The following MLIP variants were observed in gnomAD, a reference collection of about 807,000 sequenced individuals.
The protein encoded by MLIP is muscular LMNA-interacting protein.
In MLIP, 79 loss-of-function variants were observed where a neutral mutation model predicts 84.8. The ratio of observed to expected loss-of-function variants is 0.93; its 90% confidence interval spans 0.78 to 1.12. The LOEUF is 1.12. Among genes scored for constraint, MLIP ranks in the 50% most tolerant of loss-of-function variants. MLIP has a pLI of 0.00. For synonymous variants in MLIP, 504 were observed against 463.0 expected, an observed-to-expected ratio of 1.09 and a Z score of -1.14; for missense variants, 1,257 against 1,160.6, an observed-to-expected ratio of 1.08 and a Z score of -1.21.
chr6:54,164,326 A>G (rs899850990), intron 8 of MLIP, among the ~76,000 whole-genome samples: 4 of 151,700 alleles, frequency 2.6e-5, no homozygotes, highest in East Asian at 1.9e-4. Flanking sequence ...ATATTTTTCT[A>G]TTTATTATTT....
intron 13 of MLIP, among the ~76,000 whole-genome samples, chr6:54,258,769 A>G (rs908762039): frequency 2.6e-5 from 4 of 152,018 alleles, no homozygotes; most frequent in African/African-American, 7.2e-5. Context: ...TTTAGAGATG[A>G]GGAAACTAAA....
In MLIP at chr6:54,124,835, T is replaced by C. The variant is rs1248305329; in HGVS notation, c.615T>C (p.His205=). 6.2e-7 allele frequency: 1 copy of C among 1,605,036 alleles called. No individual in the cohort carries two copies. Among genetic ancestry groups the C allele is most frequent in the African/African-American group, 1.3e-5 (1 of 74,548 alleles). The change falls in exon 3 of 14, where the codon CAT becomes CAC. Residue 205 remains histidine, a synonymous_variant. Transcript: ENST00000502396. The part of the protein sequence containing the change: ...LKTSSHPEML[H]GMAPQQKHGQ... ...CCTCATCACATCCTGAAATGCTTCA[T>C]GGGATGGCCCCTCAGCAAAAGCATG... is the stretch of plus-strand genomic sequence containing the variant.
At chr6:54,148,774 T>C (rs1199123680) in intron 4 of MLIP, among the ~76,000 whole-genome samples, 1 of 152,180 alleles carries the variant, frequency 6.6e-6, no homozygotes, top group African/African-American at 2.4e-5. Flanking sequence ...AAAATTTATA[T>C]ATAACTTTGT....
chr6:54,190,039 A>G (rs9296739), intron 10 of MLIP, 125 bp downstream of exon 10: 417,760 of 676,212 alleles, frequency 0.62, 133,064 homozygotes, highest in South Asian at 0.68. Context: ...TTGTCTAATA[A>G]CATTTTACTG....
intron 1 of MLIP, chr6:54,028,869 C>A (rs908900668): frequency 6.6e-6 from 1 of 152,220 alleles, no homozygotes; most frequent in Admixed American, 6.5e-5. Context: ...TTTGCAAAGT[C>A]ATTTATACTA....
chr6:54,248,671 C>A (rs1002125422), intron 12 of MLIP, among the ~76,000 whole-genome samples: 1 of 152,066 alleles, frequency 6.6e-6, no homozygotes, highest in Non-Finnish European at 1.5e-5. Context: ...AAGTCTTTAT[C>A]TCTTGGGATG....
chr6:54,211,007 G>T (rs1158090774), intron 11 of MLIP, among the ~76,000 whole-genome samples: 1 of 152,166 alleles, frequency 6.6e-6, no homozygotes, highest in Non-Finnish European at 1.5e-5. Context: ...GGGAGGCTGA[G>T]GTGGGTGGAT....
chr6:54,167,646 T>G lies in MLIP; in HGVS notation c.2500-1882T>G, dbSNP rs141767803. Among the ~76,000 whole-genome samples, 21 of 152,042 alleles carry G rather than the reference T, an allele frequency of 1.4e-4. No homozygotes were observed. The East Asian group carries it at 3.9e-3, about 28-fold the overall frequency. On this transcript the variant is annotated intron_variant, in intron 8 of 13. Transcript: ENST00000502396. ...TCTGATTGTATGCTAGATATCCTAT[T>G]TGAAAATTTCTTAATAGAAATGGAG... is the stretch of plus-strand genomic sequence containing the variant.
At chr6:54,123,756 A>G (rs1770668678) in intron 2 of MLIP, among the ~76,000 whole-genome samples, 1 of 152,222 alleles carries the variant, frequency 6.6e-6, no homozygotes, top group Admixed American at 6.5e-5. Flanking sequence ...TCTTTTAAAC[A>G]CAATCTCAGT....
chr6:54,262,765 T>A (rs1025040255), intron 13 of MLIP, among the ~76,000 whole-genome samples: 1 of 152,068 alleles, frequency 6.6e-6, no homozygotes, highest in Non-Finnish European at 1.5e-5. Context: ...CTTACAATGA[T>A]GAGTTTTCTA....
chr6:54,214,655 A>G (rs965804378), intron 11 of MLIP, among the ~76,000 whole-genome samples: 8 of 152,208 alleles, frequency 5.3e-5, no homozygotes, highest in African/African-American at 1.9e-4. Flanking sequence ...TAACTCTGCC[A>G]TGAGTTTCCA....
At chr6:54,186,507 T>C (rs1458257197) in intron 9 of MLIP, among the ~76,000 whole-genome samples, 3 of 152,312 alleles carry the variant, frequency 2.0e-5, no homozygotes, top group African/African-American at 7.2e-5. Flanking sequence ...TGAGACTGGG[T>C]AATTTATAAA....
chr6:54,160,829 A>G, intron 8 of MLIP, 30 bp downstream of exon 8: 1 of 1,568,758 alleles, frequency 6.4e-7, no homozygotes, highest in Non-Finnish European at 8.7e-7. Flanking sequence ...AATTTATGGA[A>G]CCATAAGATT....
intron 1 of MLIP, among the ~76,000 whole-genome samples, chr6:54,031,936 T>A (rs1316480408): frequency 6.6e-6 from 1 of 152,172 alleles, no homozygotes; most frequent in Non-Finnish European, 1.5e-5. Flanking sequence ...ATGGCATTGG[T>A]GGCAGAATTG....
chr6:54,140,016 C>T (rs1772153099), intron 4 of MLIP, among the ~76,000 whole-genome samples: 2 of 151,956 alleles, frequency 1.3e-5, no homozygotes, highest in Non-Finnish European at 2.9e-5. Context: ...AATTGACAAT[C>T]CTACTTATTT....
chr6:54,036,468 C>T (rs1235282370), intron 1 of MLIP, among the ~76,000 whole-genome samples: 2 of 151,788 alleles, frequency 1.3e-5, no homozygotes, highest in African/African-American at 2.4e-5. Flanking sequence ...ATAAGTTTAC[C>T]CAAATATATT....
chr6:54,122,908 T>C (rs773030741), intron 2 of MLIP, among the ~76,000 whole-genome samples: 1 of 152,106 alleles, frequency 6.6e-6, no homozygotes, highest in Admixed American at 6.5e-5. Flanking sequence ...AACATTAAAA[T>C]AGTGTAATTC....
At chr6:54,178,562 A>G (rs1219393138) in intron 9 of MLIP, among the ~76,000 whole-genome samples, 4 of 152,082 alleles carry the variant, frequency 2.6e-5, no homozygotes, top group South Asian at 2.1e-4. Flanking sequence ...CTGCTTTGCT[A>G]TATCCTGTAG....
chr6:54,133,013 A>G (rs770854678), intron 3 of MLIP, among the ~76,000 whole-genome samples: 160 of 152,278 alleles, frequency 1.1e-3, no homozygotes, highest in Non-Finnish European at 1.8e-3. Flanking sequence ...TTGGCAAGAG[A>G]GGATTGGCAA....
Sources: allele counts gnomAD v4.1 joint callset (sites outside exome capture counted in the v4.1 genomes callset), GRCh38; gene constraint gnomAD v4.1.1; transcripts MANE v1.5; gene names NCBI Gene and HGNC (gene_info 2026-07-23, HGNC 2026-07-21).